NID2: variants seen among roughly 807,000 people sequenced by gnomAD.
NID2 encodes the protein nidogen 2, also known as nidogen-2.
NID2 carries 83 observed loss-of-function variants against 145.4 expected under a neutral mutation model. That is an observed-to-expected ratio of 0.57 (90% CI 0.48 to 0.69). The LOEUF (loss-of-function observed/expected upper bound fraction) is 0.69, where lower values mean the gene tolerates loss of function less well. Ranked by LOEUF, NID2 falls within the 30% of genes least tolerant of loss-of-function variation. The probability of loss-of-function intolerance (pLI) is 0.00; values close to 1 mark genes in which losing one functional copy is unlikely to be tolerated. For missense variants in NID2, 1,807 were observed against 1,765.7 expected, an observed-to-expected ratio of 1.02 and a Z score of -0.42; for synonymous variants, 739 against 701.3, an observed-to-expected ratio of 1.05 and a Z score of -0.85.
intron 8 of NID2, among the ~76,000 whole-genome samples, chr14:52,039,654 G>A (rs1232864276): frequency 6.6e-6 from 1 of 152,182 alleles, no homozygotes. Context: ...GGGGTCAGAG[G>A]AAAGGCACAA....
In NID2 at chr14:52,011,097, C is replaced by T. The variant is rs570709754; in HGVS notation, c.3551-50G>A. 5.7e-5 allele frequency: 90 copies of T among 1,584,830 alleles called. No individual in the cohort carries two copies. The Admixed American group carries it at 5.7e-4, about 10-fold the overall frequency. On this transcript the variant is annotated intron_variant, in intron 17 of 21. Transcript: ENST00000216286. ...TGGAGTGTTTGCAGGATATGGAGGGCAAACCTGAAGCCCTCCAACGGTCGG... is the reference window on the plus strand; with the variant it reads ...TGGAGTGTTTGCAGGATATGGAGGGTAAACCTGAAGCCCTCCAACGGTCGG...
Position 52,068,943 on chromosome 14 carries a change from G to A in NID2, c.52C>T (p.Leu18=), listed in dbSNP as rs1432259532. Residue 18 remains leucine, a synonymous_variant, in exon 1 of 22, where the codon CTA becomes TTA. Coordinates refer to ENST00000216286, the MANE Select transcript of NID2 (RefSeq NM_007361.4). Reference sequence around the variant, plus strand: ...AACATTAGCAACGGCAGCAGCAGTAGCACTGGTAACGACGACAGCACCGGC... The same window carrying A: ...AACATTAGCAACGGCAGCAGCAGTAACACTGGTAACGACGACAGCACCGGC... ...GRPVLSSLPV[L]LLLPLLMLRA... 4 of 1,613,676 alleles carry A rather than the reference G, an allele frequency of 2.5e-6. No individual in the cohort carries two copies. Among genetic ancestry groups the A allele is most frequent in the Non-Finnish European group, 3.4e-6 (4 of 1,179,948 alleles).
rs1217337761 is a variant in NID2, at chr14:52,053,598, G to A, written c.1410C>T (p.Asn470=). The part of the protein sequence containing the change: ...RGTYEVGLED[N]IGSNTEVFTY... ...ACTCACCCTCGGTGTTGGAACCTAT[G>A]TTGTCTTCCAGTCCCACCTCATACG... Residue 470 remains asparagine (N), a synonymous_variant, in exon 5 of 22, where the codon AAC becomes AAT. Transcript: ENST00000216286. The A allele has an allele frequency of 1.2e-6, 2 of 1,613,920 alleles. No individual in the cohort carries two copies. Among genetic ancestry groups the A allele is most frequent in the East Asian group, 2.2e-5 (1 of 44,892 alleles).
In NID2 at chr14:52,038,844, G is replaced by A. The variant is rs368682726; in HGVS notation, c.2160C>T (p.Thr720=). The part of the protein sequence containing the change: ...RHAPRHPSFP[T]TQQLNVDRVF... Reference sequence around the variant, plus strand: ...CCCGGTCCACGTTCAGCTGCTGGGTGGTGGGGAAGGACGGGTGTCTGGGGG... The same window carrying A: ...CCCGGTCCACGTTCAGCTGCTGGGTAGTGGGGAAGGACGGGTGTCTGGGGG... The change falls in exon 9 of 22, where the codon ACC becomes ACT. Residue 720 remains threonine, a synonymous_variant. Coordinates refer to ENST00000216286, the MANE Select transcript of NID2 (RefSeq NM_007361.4). The A allele has an allele frequency of 1.9e-6, 3 of 1,614,086 alleles. No homozygotes were observed. Among genetic ancestry groups the A allele is most frequent in the African/African-American group, 2.7e-5 (2 of 75,048 alleles).
intron 5 of NID2, among the ~76,000 whole-genome samples, chr14:52,051,521 G>A (rs1412622334): frequency 6.6e-6 from 1 of 152,114 alleles, no homozygotes; most frequent in African/African-American, 2.4e-5. Flanking sequence ...CACATGGCTG[G>A]GTACTTAGTA....
rs1195450767 is a variant in NID2, at chr14:52,060,218, C to A, written c.673G>T (p.Val225Leu). ...TCAGCCTCCCCTCGGCAGAAGCCCA[C>A]CCGAGCTGGAAGCTGAAGCTGGACA... ...YNVQLQLPAR[V>L]GFCRGEADDL... Residue 225 changes from valine (V) to leucine (L), a missense_variant, in exon 3 of 22, where the codon GTG (valine) becomes TTG (leucine). Transcript: ENST00000216286. 1 of 1,613,900 alleles carries A rather than the reference C, an allele frequency of 6.2e-7. No homozygotes were observed. Among genetic ancestry groups the A allele is most frequent in the Non-Finnish European group, 8.5e-7 (1 of 1,179,990 alleles).
chr14:52,034,998 G>A (rs1267305908), intron 9 of NID2, among the ~76,000 whole-genome samples: 1 of 99,938 alleles, frequency 1.0e-5, no homozygotes, highest in East Asian at 2.8e-4. Flanking sequence ...TACATTTAGA[G>A]AAAAATGGAG....
At chr14:52,006,716 G>A (rs920109034) in intron 19 of NID2, 56 bp from the exon 20 acceptor site, 2 of 1,586,924 alleles carry the variant, frequency 1.3e-6, no homozygotes, top group African/African-American at 1.3e-5. Flanking sequence ...AAAAATGATA[G>A]TGACATAGTG....
intron 5 of NID2, 130 bp from the exon 6 acceptor site, chr14:52,043,061 C>A (rs79260537): frequency 2.4e-6 from 2 of 828,842 alleles, no homozygotes; most frequent in South Asian, 1.8e-5. Context: ...TTTAAGAGAC[C>A]GGCATAACAT....
At chr14:52,009,727 G>C (rs1566740280) in intron 18 of NID2, 1 of 152,270 alleles carries the variant, frequency 6.6e-6, no homozygotes, top group Non-Finnish European at 1.5e-5. Flanking sequence ...CGGGCGCAGT[G>C]GCTCATACCT....
chr14:52,014,732 C>A (rs78927967), intron 15 of NID2, among the ~76,000 whole-genome samples: 1 of 150,192 alleles, frequency 6.7e-6, no homozygotes, highest in African/African-American at 2.5e-5. Context: ...AAAAAAAAAA[C>A]AGAGCCAGCA....
intron 12 of NID2, among the ~76,000 whole-genome samples, chr14:52,025,255 C>CT (rs1812213398): frequency 6.6e-6 from 1 of 152,212 alleles, no homozygotes; most frequent in African/African-American, 2.4e-5. Context: ...AAGAGTGTAT[C>CT]TATTATAGAT....
chr14:52,032,107 T>C (rs1353032481), intron 9 of NID2, among the ~76,000 whole-genome samples: 1 of 152,250 alleles, frequency 6.6e-6, no homozygotes, highest in African/African-American at 2.4e-5. Context: ...CATAGCCTGC[T>C]GTGAGCTGGG....
At chr14:52,033,051 G>A (rs1344291273) in intron 9 of NID2, among the ~76,000 whole-genome samples, 3 of 152,140 alleles carry the variant, frequency 2.0e-5, no homozygotes, top group African/African-American at 4.8e-5. Flanking sequence ...CACTGAACTT[G>A]GCTTCCCAAA....
chr14:52,035,878 A>ATATATATATATATATATT lies in NID2; in HGVS notation c.2257+2868_2257+2869insAATATATATATATATATA, dbSNP rs58318209. ...TGTGTATATATATATATATATATATATGTTTTATTTTGTAGAGACAGGGTT... is the reference window on the plus strand; with the variant it reads ...TGTGTATATATATATATATATATATATATATATATATATATATTTGTTTTATTTTGTAGAGACAGGGTT... On this transcript the variant is annotated intron_variant, in intron 9 of 21. Coordinates refer to ENST00000216286, the MANE Select transcript of NID2 (RefSeq NM_007361.4). 2.1e-3 allele frequency among the ~76,000 whole-genome samples: 287 copies of ATATATATATATATATATT among 135,118 alleles called. 2 individuals carry two copies. The highest frequency in any genetic ancestry group is 4.4e-3 in the African/African-American group (156 of 35,406). 88.6% of individuals were successfully genotyped at this position (135,118 alleles called of 152,430 possible).
intron 19 of NID2, chr14:52,007,493 C>A: frequency 3.2e-6 from 1 of 315,734 alleles, no homozygotes; most frequent in African/African-American, 2.2e-5. Flanking sequence ...GTGACCCTCT[C>A]CCCGCATAAG....
rs7144523 is a variant in NID2 at position 52,028,763 on chromosome 14, C to G, written c.2489G>C (p.Arg830Pro). The G allele has an allele frequency of 8.7e-6, 14 of 1,613,874 alleles. No individual in the cohort carries two copies. The highest frequency in any genetic ancestry group is 3.3e-5 in the Admixed American group (2 of 59,984). Reference sequence around the variant, plus strand: ...GTCATCTGCAAACTCATAACCACTCCGGCACTCACACCTGTAGCTTCCAGG... The same window carrying G: ...GTCATCTGCAAACTCATAACCACTCGGGCACTCACACCTGTAGCTTCCAGG... ...NLPGSYRCEC[R>P]SGYEFADDRH... The change falls in exon 11 of 22, where the codon CGG becomes CCG. Residue 830 changes from arginine to proline, a missense_variant. Arg to Pro is a moderately radical substitution (Grantham distance 103). Coordinates refer to ENST00000216286, the MANE Select transcript of NID2 (RefSeq NM_007361.4).
Position 52,052,485 on chromosome 14 carries a change from A to G in NID2, c.1429+1094T>C, listed in dbSNP as rs1892710659. Among the ~76,000 whole-genome samples the G allele has an allele frequency of 3.3e-5, 5 of 152,360 alleles. No homozygotes were observed. The South Asian group carries it at 1.0e-3, about 32-fold the overall frequency. On this transcript the variant is annotated intron_variant, in intron 5 of 21. Coordinates refer to ENST00000216286, the MANE Select transcript of NID2 (RefSeq NM_007361.4). ...GCTTATGGGTTACATAAGTTACTTC[A>G]GGTCACCCAGCAAGCTTGGCAGCCA...
chr14:52,019,444 C>T (rs1437859015), intron 13 of NID2, 150 bp from the exon 14 acceptor site: 2 of 611,106 alleles, frequency 3.3e-6, no homozygotes, highest in African/African-American at 3.7e-5. Flanking sequence ...CTATTTACCT[C>T]ATTTCTCTCC....
Sources: allele counts gnomAD v4.1 joint callset (sites outside exome capture counted in the v4.1 genomes callset), GRCh38; gene constraint gnomAD v4.1.1; transcripts MANE v1.5; gene names NCBI Gene and HGNC (gene_info 2026-07-23, HGNC 2026-07-21).